GUCY1B1: variants seen among roughly 807,000 people sequenced by gnomAD.
The protein encoded by GUCY1B1 is guanylate cyclase 1 soluble subunit beta 1.
A neutral mutation model predicts 71.0 loss-of-function variants in GUCY1B1; 43 were observed. The ratio of observed to expected loss-of-function variants is 0.61; its 90% CI spans 0.47 to 0.78. The LOEUF (loss-of-function observed/expected upper bound fraction) is 0.78, where lower values mean the gene tolerates loss of function less well. Ranked by LOEUF, GUCY1B1 falls within the 30% of genes least tolerant of loss-of-function variation. The pLI is 0.00. For missense variants in GUCY1B1, 535 were observed against 754.1 expected, an observed-to-expected ratio of 0.71 and a Z score of 3.40; for synonymous variants, 266 against 259.7, an observed-to-expected ratio of 1.02 and a Z score of -0.23.
At chr4:155,777,790 C>G (rs1738157995) in intron 4 of GUCY1B1, 148 bp downstream of exon 4, 1 of 542,410 alleles carries the variant, frequency 1.8e-6, no homozygotes, top group South Asian at 2.9e-5. Flanking sequence ...CACATAAAAT[C>G]ATCGTTATTG....
At chr4:155,772,892 A>T in intron 2 of GUCY1B1, 1 of 673,190 alleles carries the variant, frequency 1.5e-6, no homozygotes. Context: ...AGGACAGAGG[A>T]TGTTTTTAAG....
At chr4:155,789,954 A>T in intron 5 of GUCY1B1, 43 bp downstream of exon 5, 5 of 1,268,328 alleles carry the variant, frequency 3.9e-6, no homozygotes, top group Non-Finnish European at 5.6e-6. Context: ...GATGACATCT[A>T]AAAATATTTT....
At chr4:155,764,542 T>G (rs1367297713) in intron 2 of GUCY1B1, among the ~76,000 whole-genome samples, 1 of 152,170 alleles carries the variant, frequency 6.6e-6, no homozygotes, top group Non-Finnish European at 1.5e-5. Context: ...ACTAATGTAG[T>G]ATACATACAA....
chr4:155,795,629 A>G (rs1739497271), intron 7 of GUCY1B1, among the ~76,000 whole-genome samples, 172 bp downstream of exon 7: 1 of 152,212 alleles, frequency 6.6e-6, no homozygotes, highest in Non-Finnish European at 1.5e-5. Flanking sequence ...CCTGAGGAGC[A>G]GTGGAACTCT....
chr4:155,764,711 G>A (rs778070275), intron 2 of GUCY1B1, among the ~76,000 whole-genome samples: 5 of 152,180 alleles, frequency 3.3e-5, no homozygotes, highest in East Asian at 1.9e-4. Context: ...AGAGGAAGGC[G>A]TTGCATTGTA....
chr4:155,762,819 T>C (rs1737084017), intron 2 of GUCY1B1, among the ~76,000 whole-genome samples: 1 of 152,202 alleles, frequency 6.6e-6, no homozygotes, highest in Non-Finnish European at 1.5e-5. Context: ...TGTTAGCTCT[T>C]GGACCAGGAA....
Position 155,802,619 on chromosome 4 carries a change from G to C in GUCY1B1, c.1413+40G>C. On this transcript the variant is annotated intron_variant, in intron 10 of 13. Transcript: ENST00000264424. This position sits in a 1 kb window ranked among gnomAD's most constrained non-coding sequence, Gnocchi z 4.3. Reference sequence around the variant, plus strand: ...TCGCTGACTGCAGAGCTATCCAGAGGCTGGCGTTCTGAGACTCCCCTCCAG... The same window carrying C: ...TCGCTGACTGCAGAGCTATCCAGAGCCTGGCGTTCTGAGACTCCCCTCCAG... 6.7e-7 allele frequency: 1 copy of C among 1,499,462 alleles called. No individual in the cohort carries two copies. The highest frequency in any genetic ancestry group is 8.9e-7 in the Non-Finnish European group (1 of 1,121,802). 92.9% of individuals were successfully genotyped at this position (1,499,462 alleles called of 1,614,324 possible). A position where few individuals can be genotyped will look rare whatever the true frequency, so the allele number is the denominator to read the frequency against.
intron 4 of GUCY1B1, among the ~76,000 whole-genome samples, chr4:155,786,216 C>T (rs541779665): frequency 6.7e-6 from 1 of 149,012 alleles, no homozygotes; most frequent in South Asian, 2.1e-4. Context: ...TGTAAGCATT[C>T]TGTATAGAAA....
At chr4:155,765,819 T>G (rs1737296416) in intron 2 of GUCY1B1, among the ~76,000 whole-genome samples, 1 of 152,198 alleles carries the variant, frequency 6.6e-6, no homozygotes, top group African/African-American at 2.4e-5. Flanking sequence ...GTTTAACACC[T>G]GTGCTTGCTA....
chr4:155,772,412 T>A (rs1363743400), intron 2 of GUCY1B1, among the ~76,000 whole-genome samples: 1 of 152,184 alleles, frequency 6.6e-6, no homozygotes, highest in Non-Finnish European at 1.5e-5. Flanking sequence ...GTTTGTTTGT[T>A]TGTTCGCTTG....
At chr4:155,786,367 G>A (rs528021160) in intron 4 of GUCY1B1, among the ~76,000 whole-genome samples, 54 of 146,132 alleles carry the variant, frequency 3.7e-4, no homozygotes, top group Admixed American at 2.0e-3. Context: ...TCCACCTCCT[G>A]GGTTCAAGCG....
chr4:155,759,944 C>A (rs1224885766), intron 2 of GUCY1B1, 84 bp downstream of exon 2: 1 of 990,436 alleles, frequency 1.0e-6, no homozygotes, highest in Non-Finnish European at 1.6e-6. Flanking sequence ...CCTCAGCCTG[C>A]TGGCCGGGTC....
intron 2 of GUCY1B1, among the ~76,000 whole-genome samples, chr4:155,762,223 G>C (rs1046939545): frequency 6.6e-6 from 1 of 152,118 alleles, no homozygotes; most frequent in Non-Finnish European, 1.5e-5. Context: ...GGGTGATTCT[G>C]GTTCCTCCTC....
At position 155,766,398 on chromosome 4, in the gene GUCY1B1, A is replaced by G. The variant is rs1200909608; in HGVS notation, c.77+6538A>G. ...TGAAATAATCACTGTAATCAAGCCA[A>G]TTGCCATATTCATCACCTCACATAG... On this transcript the variant is annotated intron_variant, in intron 2 of 13. Coordinates refer to ENST00000264424, the MANE Select transcript of GUCY1B1 (RefSeq NM_000857.5). Among the ~76,000 whole-genome samples, 8 of 152,310 alleles carry G rather than the reference A, an allele frequency of 5.3e-5. No individual in the cohort carries two copies. In the East Asian group the frequency reaches 1.5e-3, roughly 29 times the overall value.
chr4:155,764,308 C>G (rs1430631854), intron 2 of GUCY1B1, among the ~76,000 whole-genome samples: 1 of 152,104 alleles, frequency 6.6e-6, no homozygotes, highest in African/African-American at 2.4e-5. Context: ...TTTGTTCTCT[C>G]TATAATTTTG....
rs1214484634 is a variant in GUCY1B1, at chr4:155,802,330, C to T, written c.1176-12C>T. 2 of 1,613,632 alleles carry T rather than the reference C, an allele frequency of 1.2e-6. No individual in the cohort carries two copies. Among genetic ancestry groups the T allele is most frequent in the African/African-American group, 2.7e-5 (2 of 75,008 alleles). ...TTTCTTACAGTGGCTTTCTGCTGATCCCACTGAACAGATTGCTGTATTCTG... is the reference window on the plus strand; with the variant it reads ...TTTCTTACAGTGGCTTTCTGCTGATTCCACTGAACAGATTGCTGTATTCTG... On this transcript the variant is annotated splice_polypyrimidine_tract_variant and intron_variant, in intron 9 of 13. Coordinates refer to ENST00000264424, the MANE Select transcript of GUCY1B1 (RefSeq NM_000857.5). The surrounding 1 kb of genome is among the most constrained non-coding windows in gnomAD (Gnocchi z 4.3).
chr4:155,789,248 T>C (rs1738996790), intron 4 of GUCY1B1, among the ~76,000 whole-genome samples: 1 of 152,232 alleles, frequency 6.6e-6, no homozygotes, highest in Non-Finnish European at 1.5e-5. Flanking sequence ...GCTTATGTTT[T>C]ATATGCTTAT....
At chr4:155,764,644 C>G (rs1424930420) in intron 2 of GUCY1B1, among the ~76,000 whole-genome samples, 1 of 152,162 alleles carries the variant, frequency 6.6e-6, no homozygotes, top group Non-Finnish European at 1.5e-5. Flanking sequence ...TAAACCAGAT[C>G]ATTGTTAGGA....
At chr4:155,766,058 TCTCCCTCTCTCTATGTATTC>T (rs1379656286) in intron 2 of GUCY1B1, among the ~76,000 whole-genome samples, 1 of 152,150 alleles carries the variant, frequency 6.6e-6, no homozygotes, top group African/African-American at 2.4e-5. Context: ...GTGCTCTCTC[TCTCCCTCTCTCTATGTATTC>T]AATAAAATAT....
Sources: allele counts gnomAD v4.1 joint callset (sites outside exome capture counted in the v4.1 genomes callset), GRCh38; gene constraint gnomAD v4.1.1; non-coding constraint Gnocchi (gnomAD v3.1); transcripts MANE v1.5; gene names NCBI Gene and HGNC (gene_info 2026-07-23, HGNC 2026-07-21).